Variants in KPNA6 observed in about 807,000 individuals in gnomAD.
KPNA6 encodes importin subunit alpha-7.
Under a neutral mutation model 72.0 loss-of-function variants are expected in KPNA6, and 9 were observed. The ratio of observed to expected loss-of-function variants is 0.13; its 90% confidence interval spans 0.08 to 0.22. The LOEUF (loss-of-function observed/expected upper bound fraction) is 0.22. Among genes scored for constraint, KPNA6 ranks in the 10% least tolerant of loss-of-function variants. The pLI, the probability that KPNA6 is intolerant of heterozygous loss-of-function variation, is 1.00. For missense variants in KPNA6, 374 were observed against 655.7 expected, an observed-to-expected ratio of 0.57 and a Z score of 4.69; for synonymous variants, 219 against 242.1, an observed-to-expected ratio of 0.90 and a Z score of 0.89.
At chr1:32,122,976 A>T (rs975371915) in intron 1 of KPNA6, among the ~76,000 whole-genome samples, 2 of 150,766 alleles carry the variant, frequency 1.3e-5, no homozygotes, top group African/African-American at 4.9e-5. Context: ...AAAAAAAAAA[A>T]GTTTGGGTGT....
At chr1:32,118,085 G>C (rs1380182054) in intron 1 of KPNA6, among the ~76,000 whole-genome samples, 1 of 152,038 alleles carries the variant, frequency 6.6e-6, no homozygotes, top group African/African-American at 2.4e-5. Context: ...ACCATGCCCA[G>C]CTAATTGTTT....
At chr1:32,141,214 G>C (rs138500409) in intron 1 of KPNA6, among the ~76,000 whole-genome samples, 105 of 152,064 alleles carry the variant, frequency 6.9e-4, no homozygotes, top group Middle Eastern at 3.4e-3. Context: ...AGGCTCAACA[G>C]TCAATTGGCC....
intron 1 of KPNA6, among the ~76,000 whole-genome samples, chr1:32,125,080 G>A (rs1328605212): frequency 6.6e-6 from 1 of 152,028 alleles, no homozygotes; most frequent in Non-Finnish European, 1.5e-5. Flanking sequence ...CCTGAGCTCA[G>A]GCAATCCACC....
chr1:32,109,423 C>T lies in KPNA6; in HGVS notation c.4+1289C>T, dbSNP rs542743617. Among the ~76,000 whole-genome samples the T allele has an allele frequency of 2.6e-5, 4 of 152,070 alleles. No homozygotes were observed. The South Asian group carries it at 8.3e-4, about 32-fold the overall frequency. On this transcript the variant is annotated intron_variant, in intron 1 of 13. Transcript: ENST00000373625. ...CTGACCTCAAGTGATTCGCCTGCCTCGGCCTCCCAAAGTGCTGGGATTACA... is the reference window on the plus strand; with the variant it reads ...CTGACCTCAAGTGATTCGCCTGCCTTGGCCTCCCAAAGTGCTGGGATTACA...
At chr1:32,124,596 T>C (rs527499007) in intron 1 of KPNA6, among the ~76,000 whole-genome samples, 7 of 150,438 alleles carry the variant, frequency 4.7e-5, no homozygotes, top group African/African-American at 1.7e-4. Context: ...AACCTCTGCC[T>C]CCTGGGTTCA....
At position 32,156,907 on chromosome 1, in the gene KPNA6, A is replaced by G. The variant is rs772466071; in HGVS notation, c.193A>G (p.Ser65Gly). The change falls in exon 3 of 14, where the codon AGT (serine) becomes GGT (glycine). Residue 65 changes from serine (S) to glycine (G), a missense_variant. This residue lies in a region of KPNA6 where 298 missense variants were observed against 495.4 expected (regional missense o/e 0.60). Transcript: ENST00000373625. Reference protein sequence around the residue: ...LINEEAAMFDSLLMDSYVSST... With the variant: ...LINEEAAMFDGLLMDSYVSST... ...TAATGAAGAAGCTGCCATGTTCGAT[A>G]GTCTTCTCATGGACTCTTATGTGAG... 2.5e-6 allele frequency: 4 copies of G among 1,614,114 alleles called. No individual in the cohort carries two copies. The highest frequency in any genetic ancestry group is 3.4e-6 in the Non-Finnish European group (4 of 1,179,968).
intron 1 of KPNA6, among the ~76,000 whole-genome samples, chr1:32,123,646 G>T (rs568977609): frequency 6.6e-6 from 1 of 151,360 alleles, no homozygotes; most frequent in East Asian, 1.9e-4. Flanking sequence ...AGGCTGAGGT[G>T]GGAGGATTGC....
chr1:32,112,085 G>T (rs1033178302), intron 1 of KPNA6, among the ~76,000 whole-genome samples: 3 of 152,230 alleles, frequency 2.0e-5, no homozygotes, highest in Non-Finnish European at 4.4e-5. Context: ...ATATGATGCA[G>T]TTCTTGCTAA....
At chr1:32,113,000 G>A (rs972974607) in intron 1 of KPNA6, among the ~76,000 whole-genome samples, 2 of 152,070 alleles carry the variant, frequency 1.3e-5, no homozygotes, top group Admixed American at 1.3e-4. Flanking sequence ...TCTGTAATGT[G>A]ATACTGTTTG....
intron 1 of KPNA6, among the ~76,000 whole-genome samples, chr1:32,110,312 G>T (rs1199788879): frequency 6.6e-6 from 1 of 151,874 alleles, no homozygotes; most frequent in East Asian, 1.9e-4. Context: ...TGATCTGCCC[G>T]TCTCGGCCTC....
chr1:32,117,143 T>C (rs1398940464), intron 1 of KPNA6, among the ~76,000 whole-genome samples: 3 of 151,290 alleles, frequency 2.0e-5, no homozygotes, highest in Admixed American at 1.3e-4. Context: ...TTGCTTAACA[T>C]AGGATTGCCA....
At chr1:32,165,933 G>A (rs533599502) in intron 10 of KPNA6, among the ~76,000 whole-genome samples, 172 bp from the exon 11 acceptor site, 1 of 151,618 alleles carries the variant, frequency 6.6e-6, no homozygotes, top group Non-Finnish European at 1.5e-5. Context: ...GGGAGGCGGA[G>A]GTTGCAGTGA....
intron 1 of KPNA6, among the ~76,000 whole-genome samples, chr1:32,119,011 TATATATATATATATATATATA>T (rs1641378670): frequency 4.4e-5 from 3 of 67,676 alleles, no homozygotes; most frequent in South Asian, 5.8e-4. Flanking sequence ...TATATATATA[TATATATATATATATATATATA>T]TTTTTTTTTT....
intron 1 of KPNA6, among the ~76,000 whole-genome samples, chr1:32,134,189 G>A (rs989142923): frequency 1.3e-5 from 2 of 151,296 alleles, no homozygotes; most frequent in African/African-American, 4.9e-5. Context: ...CCCAGGAGGC[G>A]GAGGTTGCAG....
In KPNA6 at chr1:32,165,184, G is replaced by C. The variant is rs540326559; in HGVS notation, c.991-921G>C. Among the ~76,000 whole-genome samples the C allele has an allele frequency of 5.3e-5, 8 of 152,192 alleles. No individual in the cohort carries two copies. The South Asian group carries it at 1.0e-3, about 20-fold the overall frequency. ...GGCTTCTCAAAGTGCTGGGATTACA[G>C]GCATGAAGCCACCTCACCCAGACCA... On this transcript the variant is annotated intron_variant, in intron 10 of 13. Transcript: ENST00000373625.
intron 1 of KPNA6, among the ~76,000 whole-genome samples, chr1:32,118,216 G>A (rs1641360903): frequency 6.6e-6 from 1 of 152,014 alleles, no homozygotes; most frequent in African/African-American, 2.4e-5. Flanking sequence ...GAGCCACCGT[G>A]CCCAGCCATC....
chr1:32,120,149 T>G (rs1641406541), intron 1 of KPNA6, among the ~76,000 whole-genome samples: 1 of 152,230 alleles, frequency 6.6e-6, no homozygotes, highest in Non-Finnish European at 1.5e-5. Context: ...TTGTCTGTCT[T>G]ATTTGTAAAT....
At position 32,159,879 on chromosome 1, in the gene KPNA6, C is replaced by CT. The variant is rs1197382299; in HGVS notation, c.558+349dup. 3.3e-5 allele frequency among the ~76,000 whole-genome samples: 5 copies of CT among 152,340 alleles called. No individual in the cohort carries two copies. In the East Asian group the frequency reaches 9.6e-4, roughly 29 times the overall value. ...AAAAAAGACACCACAGTACCCATATCTGAGTACCCACAAATCATGGAGATA... is the reference window on the plus strand; with the variant it reads ...AAAAAAGACACCACAGTACCCATATCTTGAGTACCCACAAATCATGGAGATA... On this transcript the variant is annotated intron_variant, in intron 6 of 13. Transcript: ENST00000373625.
intron 2 of KPNA6, among the ~76,000 whole-genome samples, chr1:32,156,549 A>T (rs1642146745): frequency 6.6e-6 from 1 of 152,218 alleles, no homozygotes; most frequent in Non-Finnish European, 1.5e-5. Flanking sequence ...GGATGTTCAC[A>T]TCCTGGGCCA....
Sources: allele counts gnomAD v4.1 joint callset (sites outside exome capture counted in the v4.1 genomes callset), GRCh38; gene constraint gnomAD v4.1.1; regional missense constraint gnomAD v4.1.1; transcripts MANE v1.5; gene names NCBI Gene and HGNC (gene_info 2026-07-23, HGNC 2026-07-21).